The following SAFB variants were observed in gnomAD, a reference collection of about 807,000 sequenced individuals.
The protein encoded by SAFB is scaffold attachment factor B1.
A neutral mutation model predicts 101.6 loss-of-function variants in SAFB; 15 were observed. That is an observed-to-expected ratio of 0.15 (90% confidence interval 0.10 to 0.23). The LOEUF (loss-of-function observed/expected upper bound fraction) is 0.23, where lower values mean the gene tolerates loss of function less well. SAFB is among the 10% of genes least tolerant of loss of function. SAFB has a pLI of 1.00. For synonymous variants in SAFB, 449 were observed against 407.5 expected (o/e 1.10, Z -1.23); for missense variants, 930 against 1,104.1 (o/e 0.84, Z 2.23).
intron 2 of SAFB, 98 bp from the exon 3 acceptor site, chr19:5,641,496 A>C (rs1440729183): frequency 4.2e-6 from 4 of 955,584 alleles, no homozygotes; most frequent in Non-Finnish European, 6.6e-6. Context: ...GGTGTCTCAG[A>C]TGTTTATAAA....
chr19:5,629,228 G>C (rs1198663814), intron 2 of SAFB, among the ~76,000 whole-genome samples: 1 of 152,120 alleles, frequency 6.6e-6, no homozygotes, highest in Non-Finnish European at 1.5e-5. Flanking sequence ...CTTAGGCCTG[G>C]GTTACAGAGC....
intron 8 of SAFB, among the ~76,000 whole-genome samples, chr19:5,650,646 C>T (rs2053918981): frequency 1.3e-5 from 2 of 152,234 alleles, no homozygotes; most frequent in South Asian, 4.1e-4. Flanking sequence ...CTCTTGACCT[C>T]GTGATTCGCC....
At chr19:5,657,389 T>C (rs958770234) in intron 14 of SAFB, 42 bp downstream of exon 14, 3 of 1,374,746 alleles carry the variant, frequency 2.2e-6, no homozygotes, top group Non-Finnish European at 3.1e-6. Context: ...TTTCCTAGAA[T>C]GTGGTCATGA....
chr19:5,656,343 C>T (rs1175853406), intron 13 of SAFB, among the ~76,000 whole-genome samples: 1 of 152,116 alleles, frequency 6.6e-6, no homozygotes. Flanking sequence ...ACAATCTCAG[C>T]TCACTGCAAC....
chr19:5,641,510 A>C, intron 2 of SAFB, 84 bp from the exon 3 acceptor site: 2 of 1,103,522 alleles, frequency 1.8e-6, no homozygotes, highest in Non-Finnish European at 2.7e-6. Flanking sequence ...TTATAAAGTG[A>C]CCACTTGTGT....
At chr19:5,662,700 G>A (rs2054241799) in intron 15 of SAFB, among the ~76,000 whole-genome samples, 1 of 150,388 alleles carries the variant, frequency 6.6e-6, no homozygotes, top group South Asian at 2.1e-4. Context: ...GAGTGCAATG[G>A]CGCGATCGCT....
intron 14 of SAFB, among the ~76,000 whole-genome samples, chr19:5,660,307 G>A (rs867299081): frequency 2.1e-5 from 3 of 141,648 alleles, no homozygotes; most frequent in Non-Finnish European, 3.0e-5. Flanking sequence ...CTGCACTGAG[G>A]TGCTTTTTTT....
chr19:5,627,977 G>A (rs897908290), intron 2 of SAFB, among the ~76,000 whole-genome samples: 3 of 152,070 alleles, frequency 2.0e-5, no homozygotes, highest in Admixed American at 1.3e-4. Flanking sequence ...GAGGCAGGGC[G>A]CCGTGGCTCA....
At chr19:5,629,182 C>T (rs2053435291) in intron 2 of SAFB, among the ~76,000 whole-genome samples, 1 of 152,158 alleles carries the variant, frequency 6.6e-6, no homozygotes, top group Non-Finnish European at 1.5e-5. Flanking sequence ...CATACTTCTC[C>T]AGACTGTGTG....
chr19:5,660,704 CAAAAAAA>C (rs60011056), intron 14 of SAFB, among the ~76,000 whole-genome samples: 10 of 76,596 alleles, frequency 1.3e-4, no homozygotes, highest in East Asian at 9.0e-4. Context: ...CCATCTCTAC[CAAAAAAA>C]AAAAAAAAAA....
intron 15 of SAFB, 110 bp downstream of exon 15, chr19:5,661,918 T>C: frequency 1.2e-6 from 1 of 840,542 alleles, no homozygotes; most frequent in Non-Finnish European, 1.8e-6. Flanking sequence ...GGAGTCTTGC[T>C]TTGTCGCGGA....
intron 11 of SAFB, 93 bp from the exon 12 acceptor site, chr19:5,653,968 C>A (rs571967640): frequency 1.7e-6 from 2 of 1,189,398 alleles, no homozygotes; most frequent in South Asian, 1.4e-5. Context: ...CTCGAACTCC[C>A]GGTCTCATGT....
chr19:5,653,557 C>T (rs2053988202), intron 11 of SAFB, 137 bp downstream of exon 11: 3 of 718,064 alleles, frequency 4.2e-6, no homozygotes, highest in African/African-American at 1.8e-5. Flanking sequence ...ACTCCACCTC[C>T]TGGGTTCAAG....
intron 5 of SAFB, among the ~76,000 whole-genome samples, chr19:5,646,091 A>G (rs1021295795): frequency 5.9e-5 from 9 of 152,196 alleles, no homozygotes; most frequent in Admixed American, 6.5e-5. Context: ...GTTAGAACAC[A>G]CTTACCTAGG....
rs149248619 is a variant in SAFB at position 5,653,150 on chromosome 19, T to C, written c.1329T>C (p.Ser443=). Residue 443 remains serine, a synonymous_variant, in exon 10 of 21, where the codon AGT becomes AGC. Transcript: ENST00000588852. ...CCAAGGTTGTGACAAATGCCCGGAG[T>C]CCTGGAGCTCGCTGTTACGGTTTTG... ...VGAKVVTNAR[S]PGARCYGFVT... 6.9e-5 allele frequency: 111 copies of C among 1,613,804 alleles called. No homozygotes were observed. The highest frequency in any genetic ancestry group is 8.9e-5 in the Non-Finnish European group (105 of 1,180,010).
At chr19:5,660,196 T>C (rs918921228) in intron 14 of SAFB, among the ~76,000 whole-genome samples, 2 of 152,106 alleles carry the variant, frequency 1.3e-5, no homozygotes, top group African/African-American at 4.8e-5. Flanking sequence ...TAAAACTGTG[T>C]GGTATTTCTG....
intron 20 of SAFB, 83 bp from the exon 21 acceptor site, chr19:5,668,079 A>C (rs1361804939): frequency 5.8e-6 from 9 of 1,542,404 alleles, no homozygotes; most frequent in African/African-American, 2.8e-5. Flanking sequence ...GCCTGCAGGC[A>C]ACACTCAGGG....
chr19:5,628,458 A>G (rs2053417025), intron 2 of SAFB, among the ~76,000 whole-genome samples: 1 of 152,202 alleles, frequency 6.6e-6, no homozygotes, highest in Non-Finnish European at 1.5e-5. Context: ...AAGATAATTT[A>G]ATACCATATT....
intron 8 of SAFB, 93 bp downstream of exon 8, chr19:5,650,068 T>TACCCAGGAG (rs1242051077): frequency 3.0e-5 from 29 of 960,762 alleles, no homozygotes; most frequent in Non-Finnish European, 4.6e-5. Context: ...CTATGCTCCT[T>TACCCAGGAG]ACCCAGGAGA....
Sources: allele counts gnomAD v4.1 joint callset (sites outside exome capture counted in the v4.1 genomes callset), GRCh38; gene constraint gnomAD v4.1.1; transcripts MANE v1.5; gene names NCBI Gene and HGNC (gene_info 2026-07-23, HGNC 2026-07-21).